The following GABRR1 variants were observed in gnomAD, a reference collection of about 807,000 sequenced individuals.
GABRR1 encodes gamma-aminobutyric acid receptor subunit rho-1.
GABRR1 carries 59 observed loss-of-function variants against 55.5 expected under a neutral mutation model. The observed-to-expected ratio is 1.06, with a 90% CI of 0.86 to 1.32. GABRR1 has a LOEUF of 1.32. Ranked by LOEUF, GABRR1 falls within the 40% of genes most tolerant of loss-of-function variation. The pLI, the probability that GABRR1 is intolerant of heterozygous loss-of-function variation, is 0.00. For missense variants in GABRR1, 602 were observed against 619.1 expected, an observed-to-expected ratio of 0.97 and a Z score of 0.29; for synonymous variants, 213 against 226.0, an observed-to-expected ratio of 0.94 and a Z score of 0.51.
intron 4 of GABRR1, among the ~76,000 whole-genome samples, chr6:89,198,639 G>A (rs1035535563): frequency 1.3e-5 from 2 of 152,168 alleles, no homozygotes; most frequent in Non-Finnish European, 2.9e-5. Flanking sequence ...GCACCCCTGA[G>A]TCAGAATAAC....
chr6:89,224,060 C>T (rs929789070), intron 1 of GABRR1, among the ~76,000 whole-genome samples: 1 of 151,050 alleles, frequency 6.6e-6, no homozygotes. Flanking sequence ...CACGCCTGGC[C>T]GCCAGGGGTT....
chr6:89,203,377 A>T, intron 2 of GABRR1, 58 bp downstream of exon 2: 2 of 1,446,676 alleles, frequency 1.4e-6, no homozygotes, highest in South Asian at 2.3e-5. Context: ...AAATCACTAC[A>T]GTTGAGGTTC....
At position 89,190,210 on chromosome 6, in the gene GABRR1, G is replaced by A. The variant is rs370571132; in HGVS notation, c.610C>T (p.Arg204Ter). ...VTAMCNMDFS[R>*]FPLDTQTCSL... ...CACGTTTGTGTGTCCAAGGGAAATC[G>A]GCTGAAGTCCATGTTGCACATTGCA... is the stretch of plus-strand genomic sequence containing the variant. Residue 204 changes from arginine to a stop codon, truncating the protein, a stop_gained, in exon 6 of 10, where the codon CGA becomes TGA. Transcript: ENST00000454853. LOFTEE classifies it high-confidence loss of function. The A allele has an allele frequency of 1.6e-5, 25 of 1,611,344 alleles. No individual in the cohort carries two copies. Among genetic ancestry groups the A allele is most frequent in the Non-Finnish European group, 2.0e-5 (24 of 1,178,740 alleles).
intron 2 of GABRR1, among the ~76,000 whole-genome samples, chr6:89,201,778 CA>C (rs56035443): frequency 0.031 from 4,169 of 134,342 alleles, 92 homozygotes; most frequent in East Asian, 0.051. Flanking sequence ...GACCCCGTCT[CA>C]AAAAAAAAAA....
chr6:89,180,868 G>C (rs531231223), intron 8 of GABRR1, among the ~76,000 whole-genome samples: 1 of 152,194 alleles, frequency 6.6e-6, no homozygotes, highest in East Asian at 1.9e-4. Context: ...CTCCATCAAG[G>C]GGAAAAAGCC....
chr6:89,224,029 G>A (rs534195668), intron 1 of GABRR1, among the ~76,000 whole-genome samples: 9 of 152,032 alleles, frequency 5.9e-5, no homozygotes, highest in South Asian at 2.1e-4. Context: ...CCAAAGTGCC[G>A]GGATTACAGG....
upstream of GABRR1, chr6:89,221,275 T>G (rs1312087396): frequency 6.6e-6 from 1 of 152,338 alleles, no homozygotes; most frequent in Non-Finnish European, 1.5e-5. Context: ...AGGCACTCAC[T>G]GACTGATGGG....
At chr6:89,205,432 T>G (rs554692847) in intron 1 of GABRR1, 32 of 152,394 alleles carry the variant, frequency 2.1e-4, no homozygotes, top group African/African-American at 7.2e-4. Flanking sequence ...AGGATAGGCA[T>G]GTACCATGTT....
Position 89,197,098 on chromosome 6 carries a change from T to C in GABRR1, c.572+922A>G, listed in dbSNP as rs557992038. 4.6e-5 allele frequency among the ~76,000 whole-genome samples: 7 copies of C among 152,316 alleles called. No homozygotes were observed. In the East Asian group the frequency reaches 7.7e-4, roughly 17 times the overall value. Reference sequence around the variant, plus strand: ...CTTAGGTTCCAGGCCAGAATGAGTATGGAGGGATCATCATAAATATTCCTT... The same window carrying C: ...CTTAGGTTCCAGGCCAGAATGAGTACGGAGGGATCATCATAAATATTCCTT... On this transcript the variant is annotated intron_variant, in intron 5 of 9. Coordinates refer to ENST00000454853, the MANE Select transcript of GABRR1 (RefSeq NM_002042.5).
At chr6:89,198,280 A>G in intron 4 of GABRR1, 37 bp from the exon 5 acceptor site, 1 of 1,403,464 alleles carries the variant, frequency 7.1e-7, no homozygotes, top group Non-Finnish European at 1.0e-6. Context: ...CCCCAGACAC[A>G]CACAAACCCA....
intron 1 of GABRR1, among the ~76,000 whole-genome samples, chr6:89,205,091 GTGT>G (rs1772601613): frequency 6.6e-6 from 1 of 152,212 alleles, no homozygotes; most frequent in Non-Finnish European, 1.5e-5. Flanking sequence ...CCTGTTGCAT[GTGT>G]TAACTCAGGT....
intron 4 of GABRR1, among the ~76,000 whole-genome samples, chr6:89,199,011 G>T (rs1332378541): frequency 6.6e-6 from 1 of 152,058 alleles, no homozygotes; most frequent in Non-Finnish European, 1.5e-5. Context: ...TGCTTCTTTT[G>T]CATTTCGACA....
intron 3 of GABRR1, among the ~76,000 whole-genome samples, chr6:89,200,458 A>T (rs542764581): frequency 2.6e-4 from 39 of 152,160 alleles, no homozygotes; most frequent in African/African-American, 7.5e-4. Flanking sequence ...CATGTTACCC[A>T]GGCTGGTCTC....
At chr6:89,221,205 T>G (rs1582411259), upstream of GABRR1, 1 of 152,402 alleles carries the variant, frequency 6.6e-6, no homozygotes, top group Non-Finnish European at 1.5e-5. Context: ...GCTTATCTTC[T>G]CATGGCCATC....
chr6:89,213,550 A>G (rs1772891131), intron 1 of GABRR1, among the ~76,000 whole-genome samples: 1 of 152,264 alleles, frequency 6.6e-6, no homozygotes, highest in African/African-American at 2.4e-5. Flanking sequence ...ACAAAGATGT[A>G]AATACAGAAG....
chr6:89,177,553 C>T lies in GABRR1; in HGVS notation c.*1217G>A, dbSNP rs942199147. The T allele has an allele frequency of 6.6e-6, 1 of 151,972 alleles. No homozygotes were observed. The highest frequency in any genetic ancestry group is 1.5e-5 in the Non-Finnish European group (1 of 67,998). 9.4% of individuals were successfully genotyped at this position (151,972 alleles called of 1,614,324 possible). On this transcript the variant is annotated 3_prime_UTR_variant, in exon 10 of 10. Coordinates refer to ENST00000454853, the MANE Select transcript of GABRR1 (RefSeq NM_002042.5). Reference sequence around the variant, plus strand: ...AAGTGAGTTTCAAATAAAACAAATGCTGTTTGGGTAAGTTTGGTGGAGGTT... The same window carrying T: ...AAGTGAGTTTCAAATAAAACAAATGTTGTTTGGGTAAGTTTGGTGGAGGTT...
upstream of GABRR1, among the ~76,000 whole-genome samples, chr6:89,222,069 A>G (rs1390744539): frequency 6.6e-6 from 1 of 152,144 alleles, no homozygotes; most frequent in African/African-American, 2.4e-5. Context: ...GGCTGCCAGT[A>G]GGCAGAGAAG....
In GABRR1 at chr6:89,201,913, G is replaced by T. The variant is rs117933647; in HGVS notation, c.174-648C>A. On this transcript the variant is annotated intron_variant, in intron 2 of 9. Transcript: ENST00000454853. ...TGTAACCAAGACTGAAAAATAGCTG[G>T]TTCTAGTCTTGTTATTAATAGCCCA... 6.8e-3 allele frequency among the ~76,000 whole-genome samples: 1,042 copies of T among 152,254 alleles called. 10 individuals are homozygous for T. Among genetic ancestry groups the T allele is most frequent in the Non-Finnish European group, 0.013 (861 of 68,024 alleles).
intron 1 of GABRR1, among the ~76,000 whole-genome samples, chr6:89,208,060 G>A (rs1225357143): frequency 6.6e-6 from 1 of 152,230 alleles, no homozygotes; most frequent in Non-Finnish European, 1.5e-5. Context: ...CCTGAGATGT[G>A]AGAGGCGCTT....
Sources: allele counts gnomAD v4.1 joint callset (sites outside exome capture counted in the v4.1 genomes callset), GRCh38; gene constraint gnomAD v4.1.1; transcripts MANE v1.5; gene names NCBI Gene and HGNC (gene_info 2026-07-23, HGNC 2026-07-21).